The following LINGO2 variants were observed in gnomAD, a reference collection of about 807,000 sequenced individuals.
LINGO2 encodes leucine-rich repeat and immunoglobulin-like domain-containing nogo receptor-interacting protein 2.
LINGO2 carries 14 observed loss-of-function variants against 30.6 expected under a neutral mutation model. That is an observed-to-expected ratio of 0.46 (90% CI 0.30 to 0.72). LINGO2 has a LOEUF of 0.72. Among genes scored for constraint, LINGO2 ranks in the 30% least tolerant of loss-of-function variants. The pLI, the probability that LINGO2 is intolerant of heterozygous loss-of-function variation, is 0.07. For missense variants in LINGO2, 729 were observed against 751.7 expected (o/e 0.97, Z 0.35); for synonymous variants, 317 against 288.5 (o/e 1.10, Z -1.00).
At chr9:28,520,198 G>C (rs547182365) in intron 1 of LINGO2, among the ~76,000 whole-genome samples, 16 of 152,186 alleles carry the variant, frequency 1.1e-4, no homozygotes, top group African/African-American at 3.6e-4. Context: ...ATCTTCAGTA[G>C]AATACTGAGT....
rs919878192 is a variant in LINGO2, at chr9:28,054,435, G to A, written c.-86-42030C>T. 5.3e-5 allele frequency among the ~76,000 whole-genome samples: 8 copies of A among 151,746 alleles called. No homozygotes were observed. In the East Asian group the frequency reaches 7.7e-4, roughly 15 times the overall value. ...TTATAAGACTTGTCTGGATCTCCACGTTACTGCTATACTGACATATATACA... is the reference window on the plus strand; with the variant it reads ...TTATAAGACTTGTCTGGATCTCCACATTACTGCTATACTGACATATATACA... On this transcript the variant is annotated intron_variant, in intron 4 of 5. Coordinates refer to ENST00000379992, the Ensembl canonical transcript of LINGO2.
chr9:28,416,284 A>G (rs1470199396), intron 2 of LINGO2, among the ~76,000 whole-genome samples: 1 of 152,150 alleles, frequency 6.6e-6, no homozygotes, highest in African/African-American at 2.4e-5. Context: ...TAAAGATGCT[A>G]GATTAATAAG....
the LINGO2 span, among the ~76,000 whole-genome samples, chr9:28,838,802 G>A: frequency 4.1e-4 from 62 of 152,290 alleles, no homozygotes; most frequent in African/African-American, 1.4e-3. Context: ...GGCTACACTT[G>A]GCTATGTTAC....
intron 4 of LINGO2, among the ~76,000 whole-genome samples, chr9:28,013,545 A>G (rs1348101625): frequency 6.6e-6 from 1 of 152,194 alleles, no homozygotes; most frequent in Non-Finnish European, 1.5e-5. Context: ...ATTTTCAACA[A>G]CTGTCAAATA....
intron 1 of LINGO2, among the ~76,000 whole-genome samples, chr9:28,530,141 G>A (rs1821174599): frequency 6.6e-6 from 1 of 151,954 alleles, no homozygotes; most frequent in South Asian, 2.1e-4. Context: ...GCAAAAGCAG[G>A]TGAAGGTGGC....
intron 1 of LINGO2, among the ~76,000 whole-genome samples, chr9:28,553,422 A>G (rs570365106): frequency 6.6e-6 from 1 of 152,222 alleles, no homozygotes; most frequent in African/African-American, 2.4e-5. Context: ...AATGAATGAA[A>G]TGAAGTGAGA....
At chr9:28,640,124 T>C (rs1374159700) in intron 1 of LINGO2, among the ~76,000 whole-genome samples, 1 of 151,734 alleles carries the variant, frequency 6.6e-6, no homozygotes, top group African/African-American at 2.4e-5. Flanking sequence ...AAAATTCTTT[T>C]CTTTAAGAAT....
Position 27,994,698 on chromosome 9 carries a change from T to C in LINGO2, c.-36+17657A>G, listed in dbSNP as rs560949714. Among the ~76,000 whole-genome samples the C allele has an allele frequency of 5.3e-5, 8 of 152,232 alleles. No homozygotes were observed. In the East Asian group the frequency reaches 7.7e-4, roughly 15 times the overall value. ...ACACAGGAACCATTCATATTCAACATTGGCCCACGCATGTGCACCAATTAA... is the reference window on the plus strand; with the variant it reads ...ACACAGGAACCATTCATATTCAACACTGGCCCACGCATGTGCACCAATTAA... On this transcript the variant is annotated intron_variant, in intron 5 of 5. Coordinates refer to ENST00000379992, the Ensembl canonical transcript of LINGO2.
At chr9:28,684,437 C>T in the LINGO2 span, among the ~76,000 whole-genome samples, 1 of 151,248 alleles carries the variant, frequency 6.6e-6, no homozygotes, top group Admixed American at 6.6e-5. Flanking sequence ...GATCTGCCTG[C>T]CTCGGCCTCC....
At chr9:28,946,502 C>T in the LINGO2 span, among the ~76,000 whole-genome samples, 1 of 152,204 alleles carries the variant, frequency 6.6e-6, no homozygotes, top group East Asian at 1.9e-4. Flanking sequence ...AAGAATTGCC[C>T]AGATTCCTTT....
At chr9:27,971,472 T>A (rs1820353141) in intron 5 of LINGO2, among the ~76,000 whole-genome samples, 1 of 152,216 alleles carries the variant, frequency 6.6e-6, no homozygotes. Context: ...AACCTCCGCC[T>A]GGCTGGTTCA....
At chr9:28,784,010 C>G in the LINGO2 span, among the ~76,000 whole-genome samples, 1 of 152,086 alleles carries the variant, frequency 6.6e-6, no homozygotes, top group Non-Finnish European at 1.5e-5. Flanking sequence ...TAATTATCTT[C>G]GAAAGTCCCC....
chr9:29,070,417 C>T, the LINGO2 span, among the ~76,000 whole-genome samples: 1 of 152,046 alleles, frequency 6.6e-6, no homozygotes, highest in African/African-American at 2.4e-5. Context: ...GCATTGACCT[C>T]GGGACTTCCC....
intron 4 of LINGO2, among the ~76,000 whole-genome samples, chr9:28,267,582 C>T (rs1236075491): frequency 1.3e-5 from 2 of 152,032 alleles, no homozygotes; most frequent in African/African-American, 4.8e-5. Flanking sequence ...ACTTCGGTGC[C>T]TTTGCTGCTA....
the LINGO2 span, among the ~76,000 whole-genome samples, chr9:28,769,466 A>G: frequency 0.019 from 20 of 1,076 alleles, no homozygotes; most frequent in Non-Finnish European, 5.6e-3. Context: ...TACATGCTAT[A>G]TATATATATA....
intron 4 of LINGO2, among the ~76,000 whole-genome samples, chr9:28,034,700 T>C (rs56865252): frequency 0.12 from 17,680 of 152,242 alleles, 1,329 homozygotes; most frequent in South Asian, 0.26. Flanking sequence ...TAATGACCTG[T>C]CATGTTTTTC....
chr9:28,632,616 CTATA>C (rs1827002002), intron 1 of LINGO2, among the ~76,000 whole-genome samples: 1 of 131,290 alleles, frequency 7.6e-6, no homozygotes, highest in East Asian at 2.3e-4. Flanking sequence ...AATATATTAT[CTATA>C]TATTTATATA....
the LINGO2 span, among the ~76,000 whole-genome samples, chr9:29,041,565 G>A: frequency 6.6e-6 from 1 of 151,896 alleles, no homozygotes; most frequent in Admixed American, 6.6e-5. Context: ...CCAGAGTTAA[G>A]AAAATGTAGC....
the LINGO2 span, among the ~76,000 whole-genome samples, chr9:28,830,825 GCA>G: frequency 2.0e-5 from 3 of 147,654 alleles, no homozygotes; most frequent in Non-Finnish European, 4.4e-5. Context: ...TCGTGCACAT[GCA>G]CACACACGTG....
Sources: gnomAD v4.1 joint callset for allele counts (sites outside exome capture counted in the v4.1 genomes callset) on GRCh38, gnomAD v4.1.1 for gene constraint, MANE v1.5 for transcripts, NCBI Gene and HGNC (gene_info 2026-07-23, HGNC 2026-07-21) for gene names.